ENTREP2: variants seen among roughly 807,000 people sequenced by gnomAD.
The protein encoded by ENTREP2 is endosomal transmembrane epsin interactor 2.
the ENTREP2 span, among the ~76,000 whole-genome samples, chr15:29,478,698 A>T: frequency 6.6e-6 from 1 of 151,342 alleles, no homozygotes; most frequent in Non-Finnish European, 1.5e-5. Context: ...TGAGGTCAGG[A>T]GTTCAAGACC....
At chr15:29,575,324 G>T in the ENTREP2 span, among the ~76,000 whole-genome samples, 1 of 152,112 alleles carries the variant, frequency 6.6e-6, no homozygotes, top group East Asian at 1.9e-4. Flanking sequence ...TCTATGAATA[G>T]AATTTTTAAA....
At chr15:29,223,950 C>A in the ENTREP2 span, among the ~76,000 whole-genome samples, 2 of 152,174 alleles carry the variant, frequency 1.3e-5, no homozygotes, top group East Asian at 1.9e-4. Flanking sequence ...CCCAGCTCTG[C>A]CTGTGAACAC....
chr15:29,556,179 C>T, the ENTREP2 span, among the ~76,000 whole-genome samples: 1 of 152,120 alleles, frequency 6.6e-6, no homozygotes, highest in Non-Finnish European at 1.5e-5. Context: ...ATCGTTTGAG[C>T]CCATGAGGTT....
chr15:29,491,269 C>T, the ENTREP2 span, among the ~76,000 whole-genome samples: 10 of 152,308 alleles, frequency 6.6e-5, no homozygotes, highest in East Asian at 1.9e-4. Flanking sequence ...CACACCTCCC[C>T]GTAAGCAGAG....
chr15:29,561,711 A>AATAATAAAAT, the ENTREP2 span, among the ~76,000 whole-genome samples: 1 of 149,802 alleles, frequency 6.7e-6, no homozygotes, highest in Non-Finnish European at 1.5e-5. Context: ...TAATAATAAT[A>AATAATAAAAT]AAATAAATAA....
the ENTREP2 span, among the ~76,000 whole-genome samples, chr15:29,617,221 TG>T: frequency 6.6e-6 from 1 of 152,118 alleles, no homozygotes; most frequent in African/African-American, 2.4e-5. Flanking sequence ...CCAGAGAACC[TG>T]GGGAGCTTAT....
chr15:29,447,149 C>A, the ENTREP2 span, among the ~76,000 whole-genome samples: 1 of 152,104 alleles, frequency 6.6e-6, no homozygotes, highest in African/African-American at 2.4e-5. Flanking sequence ...AAACACAAAT[C>A]AAATAATTTT....
the ENTREP2 span, among the ~76,000 whole-genome samples, chr15:29,209,418 C>A: frequency 1.3e-5 from 2 of 152,154 alleles, no homozygotes; most frequent in Non-Finnish European, 2.9e-5. Context: ...AGGGATATCA[C>A]TTCAACCCAG....
the ENTREP2 span, among the ~76,000 whole-genome samples, chr15:29,587,850 G>GATTTA: frequency 6.6e-6 from 1 of 152,010 alleles, no homozygotes; most frequent in African/African-American, 2.4e-5. Flanking sequence ...GTAGAAACGG[G>GATTTA]GTTTCACCAT....
At chr15:29,332,798 A>C in the ENTREP2 span, among the ~76,000 whole-genome samples, 1 of 152,064 alleles carries the variant, frequency 6.6e-6, no homozygotes, top group African/African-American at 2.4e-5. Flanking sequence ...TGTCTCTAGT[A>C]AAAATACAAA....
chr15:29,644,619 A>G, the ENTREP2 span, among the ~76,000 whole-genome samples: 2 of 152,056 alleles, frequency 1.3e-5, no homozygotes, highest in Admixed American at 6.6e-5. Context: ...CCTGGGCAAC[A>G]TGGTGAAACC....
At chr15:29,256,122 T>C in the ENTREP2 span, among the ~76,000 whole-genome samples, 4 of 151,872 alleles carry the variant, frequency 2.6e-5, no homozygotes, top group African/African-American at 9.7e-5. Context: ...ACTTATAGGG[T>C]AGGAGCTAAA....
At chr15:29,136,996 T>G in the ENTREP2 span, 3 of 1,393,426 alleles carry the variant, frequency 2.2e-6, no homozygotes, top group Non-Finnish European at 2.8e-6. Flanking sequence ...CTGCCCATCT[T>G]AGTGGTTTCG....
At chr15:29,555,541 G>A in the ENTREP2 span, among the ~76,000 whole-genome samples, 2 of 152,108 alleles carry the variant, frequency 1.3e-5, no homozygotes, top group Non-Finnish European at 2.9e-5. Context: ...AGCCTGCATG[G>A]TCCCACTGCA....
chr15:29,518,721 C>T, the ENTREP2 span, among the ~76,000 whole-genome samples: 1 of 152,152 alleles, frequency 6.6e-6, no homozygotes, highest in South Asian at 2.1e-4. Flanking sequence ...GAAACCCACG[C>T]TGAAGGAAGT....
chr15:29,553,066 C>T, the ENTREP2 span, among the ~76,000 whole-genome samples: 9 of 152,318 alleles, frequency 5.9e-5, no homozygotes, highest in East Asian at 1.9e-4. Flanking sequence ...GAGGCCAAGG[C>T]GGGCAGATCG....
chr15:29,192,977 C>A, the ENTREP2 span, among the ~76,000 whole-genome samples: 1 of 152,192 alleles, frequency 6.6e-6, no homozygotes, highest in Non-Finnish European at 1.5e-5. Flanking sequence ...GGTACTTCTA[C>A]AACCTGATAA....
the ENTREP2 span, among the ~76,000 whole-genome samples, chr15:29,624,314 C>T: frequency 3.3e-5 from 5 of 151,732 alleles, no homozygotes; most frequent in Non-Finnish European, 7.4e-5. Context: ...CTCCCAATAA[C>T]GCGCACACAT....
the ENTREP2 span, among the ~76,000 whole-genome samples, chr15:29,672,774 G>T: frequency 6.6e-6 from 1 of 152,028 alleles, no homozygotes; most frequent in East Asian, 1.9e-4. Context: ...GGTTGGGGGG[G>T]TTGGAAAATG....
Sources: gnomAD v4.1 joint callset for allele counts (sites outside exome capture counted in the v4.1 genomes callset) on GRCh38, gnomAD v4.1.1 for gene constraint, MANE v1.5 for transcripts, NCBI Gene and HGNC (gene_info 2026-07-23, HGNC 2026-07-21) for gene names.